The following POGLUT1 variants were observed in gnomAD, a reference collection of about 807,000 sequenced individuals.
The protein encoded by POGLUT1 is protein O-glucosyltransferase 1.
Under a neutral mutation model 61.3 loss-of-function variants are expected in POGLUT1, and 32 were observed. That is an observed-to-expected ratio of 0.52 (90% CI 0.39 to 0.70). The LOEUF is 0.70. Among genes scored for constraint, POGLUT1 ranks in the 30% least tolerant of loss-of-function variants. The probability of loss-of-function intolerance (pLI) is 0.00; values close to 1 mark genes in which losing one functional copy is unlikely to be tolerated. For missense variants in POGLUT1, 411 were observed against 469.8 expected (o/e 0.87, Z 1.16); for synonymous variants, 158 against 158.2 (o/e 1.00, Z 0.01).
Position 119,490,616 on chromosome 3 carries a change from C to T in POGLUT1, c.863C>T (p.Ser288Leu). The change falls in exon 9 of 11, where the codon TCA becomes TTA. Residue 288 changes from serine (S) to leucine (L), a missense_variant. By Grantham distance (145) the Ser-to-Leu change is moderately radical. Coordinates refer to ENST00000295588, the MANE Select transcript of POGLUT1 (RefSeq NM_152305.3). ...TTTAAACACCTCTTCCTGTGTGGCT[C>T]ACTTGTTTTCCATGTTGGTGATGAG... is the stretch of plus-strand genomic sequence containing the variant. ...FRFKHLFLCG[S>L]LVFHVGDEWL... 2 of 1,614,094 alleles carry T rather than the reference C, an allele frequency of 1.2e-6. No individual in the cohort carries two copies. The highest frequency in any genetic ancestry group is 1.1e-5 in the South Asian group (1 of 91,082).
At chr3:119,481,489 A>C (rs2081605068) in intron 5 of POGLUT1, among the ~76,000 whole-genome samples, 1 of 152,130 alleles carries the variant, frequency 6.6e-6, no homozygotes, top group Non-Finnish European at 1.5e-5. Flanking sequence ...AATACCTATC[A>C]CCTCTCCCAA....
Position 119,469,035 on chromosome 3 carries a change from C to T in POGLUT1, c.14C>T (p.Ala5Val). MEWW[A>V]SSPLRLWLLL... is the part of the protein sequence containing the mutation. ...GGTCTGCCGGCGATGGAGTGGTGGGCTAGCTCGCCGCTTCGGCTCTGGCTG... is the reference window on the plus strand; with the variant it reads ...GGTCTGCCGGCGATGGAGTGGTGGGTTAGCTCGCCGCTTCGGCTCTGGCTG... Residue 5 changes from alanine to valine, a missense_variant, in exon 1 of 11, where the codon GCT becomes GTT. Physicochemically the swap from Ala to Val is moderately conservative, Grantham distance 64. Transcript: ENST00000295588. The T allele has an allele frequency of 1.9e-6, 3 of 1,608,794 alleles. No homozygotes were observed. The highest frequency in any genetic ancestry group is 1.3e-5 in the African/African-American group (1 of 74,934).
chr3:119,484,729 A>G (rs1297235886), intron 5 of POGLUT1, among the ~76,000 whole-genome samples: 1 of 152,218 alleles, frequency 6.6e-6, no homozygotes, highest in Non-Finnish European at 1.5e-5. Flanking sequence ...CACATTTGCC[A>G]AATTATAAAC....
At chr3:119,483,247 T>G (rs2081626915) in intron 5 of POGLUT1, among the ~76,000 whole-genome samples, 1 of 152,218 alleles carries the variant, frequency 6.6e-6, no homozygotes, top group African/African-American at 2.4e-5. Context: ...ATGTTGTTTC[T>G]TAGAGCAGAA....
Position 119,477,567 on chromosome 3 carries a change from G to A in POGLUT1, c.456+119G>A. 2 of 930,382 alleles carry A rather than the reference G, an allele frequency of 2.1e-6. 1 individual carries two copies. Among genetic ancestry groups the A allele is most frequent in the South Asian group, 3.1e-5 (2 of 64,046 alleles). 57.6% of individuals were successfully genotyped at this position (930,382 alleles called of 1,614,324 possible). On this transcript the variant is annotated intron_variant, in intron 4 of 10. Transcript: ENST00000295588. ...TGGTAAGGATGAGGACTGAGGTCCA[G>A]AAATGGGTCTGTGTCTCTATTAGCA...
Position 119,492,449 on chromosome 3 carries a change from A to G in POGLUT1, c.*11A>G, listed in dbSNP as rs2081761943. 4 of 1,550,094 alleles carry G rather than the reference A, an allele frequency of 2.6e-6. No homozygotes were observed. The highest frequency in any genetic ancestry group is 2.6e-6 in the Non-Finnish European group (3 of 1,138,174). ...AAAACTGAACTATAGTAGTCATCATAGGACCATAGTCCTCTTTGTGGCAAC... is the reference window on the plus strand; with the variant it reads ...AAAACTGAACTATAGTAGTCATCATGGGACCATAGTCCTCTTTGTGGCAAC... On this transcript the variant is annotated 3_prime_UTR_variant, in exon 11 of 11. Coordinates refer to ENST00000295588, the MANE Select transcript of POGLUT1 (RefSeq NM_152305.3).
rs1243426407 is a variant in POGLUT1, at chr3:119,492,920, T to C, written c.*482T>C. 6.6e-6 allele frequency: 1 copy of C among 152,532 alleles called. No individual in the cohort carries two copies. The highest frequency in any genetic ancestry group is 6.5e-5 in the Admixed American group (1 of 15,268). The allele number at this position is 152,532 out of a possible 1,614,324, so 9.4% of individuals were successfully genotyped here. On this transcript the variant is annotated 3_prime_UTR_variant, in exon 11 of 11. Transcript: ENST00000295588. ...TTTTAATGTAGGAAACCCTATGGGG[T>C]TTATGAAAAATACTTGGGGATCATT... is the stretch of plus-strand genomic sequence containing the variant.
intron 8 of POGLUT1, 189 bp from the exon 9 acceptor site, chr3:119,490,357 GTAGTC>G (rs530967387): frequency 1.8e-4 from 107 of 580,890 alleles, no homozygotes; most frequent in Non-Finnish European, 2.7e-4. Flanking sequence ...AGAACAACCT[GTAGTC>G]CTAGCCCTGG....
rs2081784632 is a variant in POGLUT1, at chr3:119,493,977, C to T, written c.*1539C>T. 6.6e-6 allele frequency: 1 copy of T among 152,006 alleles called. No individual in the cohort carries two copies. Among genetic ancestry groups the T allele is most frequent in the Non-Finnish European group, 1.5e-5 (1 of 67,992 alleles). 9.4% of individuals were successfully genotyped at this position (152,006 alleles called of 1,614,324 possible). The stretch of plus-strand genomic sequence containing the variant: ...CATTCTCTCTGAATTTTAATTTCCT[C>T]TCATTAAAATAGGAACAAAATTTGC... On this transcript the variant is annotated 3_prime_UTR_variant, in exon 11 of 11. Transcript: ENST00000295588.
At chr3:119,482,887 G>T (rs1477814313) in intron 5 of POGLUT1, among the ~76,000 whole-genome samples, 1 of 152,140 alleles carries the variant, frequency 6.6e-6, no homozygotes, top group Non-Finnish European at 1.5e-5. Context: ...AGAGGGCTGG[G>T]GTAGCACCAG....
chr3:119,476,010 G>T (rs2081533866), intron 3 of POGLUT1, among the ~76,000 whole-genome samples: 1 of 142,796 alleles, frequency 7.0e-6, no homozygotes, highest in African/African-American at 2.6e-5. Context: ...ATACAGAGTT[G>T]CCAGGTGTGT....
intron 4 of POGLUT1, chr3:119,478,518 C>T: frequency 2.3e-6 from 1 of 429,110 alleles, no homozygotes; most frequent in South Asian, 1.7e-5. Flanking sequence ...TCTGTTGTTT[C>T]TATGGATAAT....
chr3:119,483,658 A>G lies in POGLUT1; in HGVS notation c.579-1670A>G, dbSNP rs138279211. Among the ~76,000 whole-genome samples the G allele has an allele frequency of 6.4e-3, 971 of 152,380 alleles. 5 individuals carry two copies. The highest frequency in any genetic ancestry group is 9.3e-3 in the Non-Finnish European group (630 of 68,046). On this transcript the variant is annotated intron_variant, in intron 5 of 10. Coordinates refer to ENST00000295588, the MANE Select transcript of POGLUT1 (RefSeq NM_152305.3). ...GTATGTATGGTGTGACCTCTGTTAC[A>G]TAGAGCAAAGTTTCTCAGTACTAGT...
chr3:119,479,885 C>T, intron 4 of POGLUT1, 166 bp from the exon 5 acceptor site: 1 of 1,497,516 alleles, frequency 6.7e-7, no homozygotes, highest in South Asian at 1.2e-5. Context: ...TCCATAGTCA[C>T]TTTTGCCTTT....
At chr3:119,480,010 T>C (rs760717732) in intron 4 of POGLUT1, 41 bp from the exon 5 acceptor site, 3 of 1,610,766 alleles carry the variant, frequency 1.9e-6, no homozygotes, top group South Asian at 2.2e-5. Flanking sequence ...TTTTCACTGT[T>C]CCAAGACTGA....
Sources: gnomAD v4.1 joint callset for allele counts (sites outside exome capture counted in the v4.1 genomes callset) on GRCh38, gnomAD v4.1.1 for gene constraint, MANE v1.5 for transcripts, NCBI Gene and HGNC (gene_info 2026-07-23, HGNC 2026-07-21) for gene names.